The following KAZN variants were observed in gnomAD, a reference collection of about 807,000 sequenced individuals.
KAZN encodes kazrin, periplakin interacting protein, also known as kazrin.
A neutral mutation model predicts 87.4 loss-of-function variants in KAZN; 40 were observed. The observed-to-expected ratio is 0.46, with a 90% CI of 0.36 to 0.60. The LOEUF (loss-of-function observed/expected upper bound fraction) is 0.60, where lower values mean the gene tolerates loss of function less well. Ranked by LOEUF, KAZN falls within the 20% of genes least tolerant of loss-of-function variation. The probability of loss-of-function intolerance (pLI) is 0.00; values close to 1 mark genes in which losing one functional copy is unlikely to be tolerated. For missense variants in KAZN, 898 were observed against 1,073.9 expected, an observed-to-expected ratio of 0.84 and a Z score of 2.29; for synonymous variants, 466 against 458.3, an observed-to-expected ratio of 1.02 and a Z score of -0.22.
At chr1:14,478,247 A>AG (rs1557747490) in intron 2 of KAZN, among the ~76,000 whole-genome samples, 4 of 108,546 alleles carry the variant, frequency 3.7e-5, no homozygotes, top group African/African-American at 7.2e-5. Context: ...GAAGGAAGGA[A>AG]AAGAAGGAAG....
intron 1 of KAZN, among the ~76,000 whole-genome samples, chr1:14,128,654 CT>C (rs1228583619): frequency 6.6e-6 from 1 of 152,150 alleles, no homozygotes; most frequent in Non-Finnish European, 1.5e-5. Flanking sequence ...TTGAAAGCCC[CT>C]ATCTCCAAAT....
intron 2 of KAZN, among the ~76,000 whole-genome samples, chr1:14,330,385 A>C (rs80311457): frequency 0.026 from 4,002 of 152,250 alleles, 105 homozygotes; most frequent in East Asian, 0.14. Context: ...AGGCTCCCAC[A>C]ATTCCATCTG....
intron 1 of KAZN, among the ~76,000 whole-genome samples, chr1:14,718,243 A>T (rs896068853): frequency 6.6e-6 from 1 of 152,218 alleles, no homozygotes; most frequent in Non-Finnish European, 1.5e-5. Context: ...ATTTCCGTTA[A>T]GTGCCCATCT....
chr1:14,948,298 A>G (rs574192173), intron 1 of KAZN, among the ~76,000 whole-genome samples: 9 of 152,216 alleles, frequency 5.9e-5, no homozygotes, highest in Non-Finnish European at 1.3e-4. Context: ...GGACTCAACT[A>G]TTCGGATATT....
At chr1:14,662,383 AC>A (rs919935260) in intron 1 of KAZN, among the ~76,000 whole-genome samples, 10 of 151,938 alleles carry the variant, frequency 6.6e-5, no homozygotes, top group African/African-American at 2.4e-4. Flanking sequence ...GGGCAGAGAC[AC>A]CCCATGAAGC....
chr1:14,802,479 T>C (rs1646067091), intron 1 of KAZN, among the ~76,000 whole-genome samples: 1 of 151,562 alleles, frequency 6.6e-6, no homozygotes, highest in Non-Finnish European at 1.5e-5. Context: ...ATGTGTCTGG[T>C]TGGCACAACT....
chr1:14,329,357 CAG>C (rs1379884392), intron 2 of KAZN, among the ~76,000 whole-genome samples: 1 of 152,140 alleles, frequency 6.6e-6, no homozygotes, highest in Admixed American at 6.5e-5. Flanking sequence ...ACCACATAAA[CAG>C]AGAGTGTGGG....
At chr1:15,029,394 T>A (rs1671465406) in intron 2 of KAZN, among the ~76,000 whole-genome samples, 3 of 152,180 alleles carry the variant, frequency 2.0e-5, no homozygotes, top group Non-Finnish European at 2.9e-5. Flanking sequence ...AAGCGAATAA[T>A]CTAAAGGCAC....
chr1:14,413,688 C>G (rs1051331382), intron 2 of KAZN, among the ~76,000 whole-genome samples: 1 of 141,934 alleles, frequency 7.0e-6, no homozygotes, highest in African/African-American at 2.6e-5. Flanking sequence ...TTTGGAAACA[C>G]AAATGACAAA....
At chr1:14,014,102 G>T (rs1640450471) in intron 1 of KAZN, among the ~76,000 whole-genome samples, 1 of 151,946 alleles carries the variant, frequency 6.6e-6, no homozygotes, top group Non-Finnish European at 1.5e-5. Flanking sequence ...TTCTCATGAG[G>T]ACTCTATATG....
chr1:14,069,315 T>C (rs1643149785), intron 1 of KAZN, among the ~76,000 whole-genome samples: 1 of 152,182 alleles, frequency 6.6e-6, no homozygotes, highest in South Asian at 2.1e-4. Flanking sequence ...GTAGCAGGGT[T>C]CCACGTGAAA....
intron 1 of KAZN, among the ~76,000 whole-genome samples, chr1:14,607,695 C>A (rs1200578666): frequency 2.0e-5 from 3 of 152,190 alleles, no homozygotes; most frequent in African/African-American, 7.2e-5. Context: ...TGCCTCACTG[C>A]TGGGCTGTGA....
At chr1:14,134,540 G>A (rs76641503) in intron 1 of KAZN, among the ~76,000 whole-genome samples, 10,945 of 152,250 alleles carry the variant, frequency 0.072, 486 homozygotes, top group Middle Eastern at 0.13. Context: ...TGACTCCAGG[G>A]CAGGTGCTCT....
chr1:14,667,636 A>G (rs1026680196), intron 1 of KAZN, among the ~76,000 whole-genome samples: 2 of 152,130 alleles, frequency 1.3e-5, no homozygotes, highest in African/African-American at 4.8e-5. Context: ...TCAGGTTGTA[A>G]TTATTCTGGA....
intron 2 of KAZN, chr1:14,221,978 T>C (rs1370739331): frequency 6.6e-6 from 1 of 152,110 alleles, no homozygotes; most frequent in East Asian, 1.9e-4. Flanking sequence ...TGATTCGTGA[T>C]GTTTGGGGTT....
intron 2 of KAZN, among the ~76,000 whole-genome samples, chr1:14,309,249 T>C (rs1050514158): frequency 2.0e-5 from 3 of 152,218 alleles, no homozygotes; most frequent in African/African-American, 7.2e-5. Flanking sequence ...TTTTGTCAGA[T>C]GCCACCCATT....
chr1:15,054,963 A>C (rs766664787), intron 4 of KAZN, among the ~76,000 whole-genome samples: 5 of 152,262 alleles, frequency 3.3e-5, no homozygotes, highest in Non-Finnish European at 7.3e-5. Flanking sequence ...CCTGCATTCA[A>C]GAAGGAGCTA....
At chr1:14,141,803 G>A (rs1645245564) in intron 1 of KAZN, among the ~76,000 whole-genome samples, 1 of 152,144 alleles carries the variant, frequency 6.6e-6, no homozygotes, top group Non-Finnish European at 1.5e-5. Context: ...TCTGTGTTTG[G>A]AGGTTACATC....
chr1:14,741,781 A>G (rs541733151), intron 1 of KAZN, among the ~76,000 whole-genome samples: 2 of 152,300 alleles, frequency 1.3e-5, no homozygotes, highest in East Asian at 1.9e-4. Context: ...CTTTCAAGGC[A>G]TATTAAACAA....
Sources: gnomAD v4.1 joint callset for allele counts (sites outside exome capture counted in the v4.1 genomes callset) on GRCh38, gnomAD v4.1.1 for gene constraint, MANE v1.5 for transcripts, NCBI Gene and HGNC (gene_info 2026-07-23, HGNC 2026-07-21) for gene names.